TMEM254: variants seen among roughly 807,000 people sequenced by gnomAD.
The protein encoded by TMEM254 is transmembrane protein C10orf57.
TMEM254 carries 16 observed loss-of-function variants against 13.9 expected under a neutral mutation model. The observed-to-expected ratio is 1.15, with a 90% CI of 0.78 to 1.75. The LOEUF is 1.75. Among genes scored for constraint, TMEM254 ranks in the 40% most tolerant of loss-of-function variants. The pLI is 0.00. For synonymous variants in TMEM254, 61 were observed against 56.4 expected, an observed-to-expected ratio of 1.08 and a Z score of -0.36; for missense variants, 155 against 149.0, an observed-to-expected ratio of 1.04 and a Z score of -0.21.
Position 80,090,848 on chromosome 10 carries a change from T to C in TMEM254, c.303T>C (p.Thr101=), listed in dbSNP as rs1564575139. The C allele has an allele frequency of 6.2e-7, 1 of 1,614,172 alleles. No individual in the cohort carries two copies. The highest frequency in any genetic ancestry group is 1.1e-5 in the South Asian group (1 of 91,084). Residue 101 remains threonine (T), a synonymous_variant, in exon 4 of 4, where the codon ACT becomes ACC. Transcript: ENST00000372281. ...CTCAGCTACTCTGGTTCCTACAGACTTTCTTCTTTGGGATAGCGTCTCTCA... is the reference window on the plus strand; with the variant it reads ...CTCAGCTACTCTGGTTCCTACAGACCTTCTTCTTTGGGATAGCGTCTCTCA... ...GRAQLLWFLQ[T]FFFGIASLTI... is the part of the protein sequence containing the mutation.
intron 1 of TMEM254, 47 bp from the exon 2 acceptor site, chr10:80,081,794 G>C: frequency 6.2e-7 from 1 of 1,611,746 alleles, no homozygotes; most frequent in South Asian, 1.1e-5. Flanking sequence ...CAAAAAACAG[G>C]TTTTAAGTGA....
intron 3 of TMEM254, among the ~76,000 whole-genome samples, chr10:80,083,257 C>A (rs1252564813): frequency 6.6e-6 from 1 of 151,988 alleles, no homozygotes; most frequent in Non-Finnish European, 1.5e-5. Context: ...AAGCCCACCA[C>A]CATGCCTGGC....
rs148327670 is a variant in TMEM254, at chr10:80,081,079, AAAATAAAT to A, written c.88-745_88-738del. ...TAAGCGACAGAGTGAAACTCCATCT[AAAATAAAT>A]AAATAAATAAATAAATTAGTCAGTC... is the stretch of plus-strand genomic sequence containing the variant. On this transcript the variant is annotated intron_variant, in intron 1 of 3. Transcript: ENST00000372281. 4.0e-5 allele frequency among the ~76,000 whole-genome samples: 6 copies of A among 151,382 alleles called. No individual in the cohort carries two copies. The Admixed American group carries it at 4.0e-4, about 10-fold the overall frequency.
intron 3 of TMEM254, among the ~76,000 whole-genome samples, chr10:80,085,755 A>T (rs1844285470): frequency 6.6e-6 from 1 of 152,194 alleles, no homozygotes; most frequent in Non-Finnish European, 1.5e-5. Flanking sequence ...ATACTTTAAC[A>T]AGAAAAATAG....
intron 1 of TMEM254, among the ~76,000 whole-genome samples, chr10:80,080,773 T>TACACACACACAC (rs35188589): frequency 1.3e-5 from 2 of 150,126 alleles, no homozygotes; most frequent in African/African-American, 4.9e-5. Context: ...ACCTCATCTC[T>TACACACACACAC]ACACACACAC....
intron 1 of TMEM254, 46 bp from the exon 2 acceptor site, chr10:80,081,795 T>C: frequency 1.2e-6 from 2 of 1,611,626 alleles, no homozygotes; most frequent in Non-Finnish European, 1.7e-6. Context: ...AAAAAACAGG[T>C]TTTAAGTGAC....
At position 80,078,680 on chromosome 10, in the gene TMEM254, C is replaced by G; in HGVS notation, c.-20C>G. On this transcript the variant is annotated 5_prime_UTR_variant, in exon 1 of 4. Transcript: ENST00000372281. ...GCTCGACGGTGTCCTGAAGCGCGCT[C>G]CCGGGGAGGTGTTGCAGCCATGGCT... 6.3e-7 allele frequency: 1 copy of G among 1,583,230 alleles called. No individual in the cohort carries two copies. The highest frequency in any genetic ancestry group is 8.6e-7 in the Non-Finnish European group (1 of 1,167,756).
intron 3 of TMEM254, among the ~76,000 whole-genome samples, chr10:80,083,113 T>TTG (rs1402125385): frequency 6.7e-6 from 1 of 149,652 alleles, no homozygotes; most frequent in African/African-American, 2.5e-5. Flanking sequence ...GACTTTTTTT[T>TTG]TTTTTTTTTT....
At chr10:80,090,288 G>A (rs1312637002) in intron 3 of TMEM254, 1 of 691,874 alleles carries the variant, frequency 1.4e-6, no homozygotes, top group Non-Finnish European at 2.7e-6. Context: ...ATGACTGTGT[G>A]CCAGGCTCCT....
In TMEM254 at chr10:80,078,828, G is replaced by A. The variant is rs760369724; in HGVS notation, c.87+42G>A. ...GAGCGCTACGGTCTGACGAACGAGCGAGCGCTCGGTTCACCCCAGGACCTG... is the reference window on the plus strand; with the variant it reads ...GAGCGCTACGGTCTGACGAACGAGCAAGCGCTCGGTTCACCCCAGGACCTG... On this transcript the variant is annotated intron_variant, in intron 1 of 3. Transcript: ENST00000372281. 26 of 1,560,920 alleles carry A rather than the reference G, an allele frequency of 1.7e-5. No individual in the cohort carries two copies. The South Asian group carries it at 2.3e-4, about 14-fold the overall frequency.
At chr10:80,087,662 C>T (rs1300976567) in intron 3 of TMEM254, among the ~76,000 whole-genome samples, 7 of 152,020 alleles carry the variant, frequency 4.6e-5, no homozygotes, top group South Asian at 4.2e-4. Flanking sequence ...AAAAATAAAA[C>T]GAATGACTAC....
At chr10:80,089,365 G>C (rs1844464848) in intron 3 of TMEM254, among the ~76,000 whole-genome samples, 1 of 152,134 alleles carries the variant, frequency 6.6e-6, no homozygotes, top group African/African-American at 2.4e-5. Context: ...TTGCTGAGAA[G>C]TTTTATTAAA....
rs1256069795 is a variant in TMEM254 at position 80,078,824 on chromosome 10, G to A, written c.87+38G>A. On this transcript the variant is annotated intron_variant, in intron 1 of 3. Coordinates refer to ENST00000372281, the MANE Select transcript of TMEM254 (RefSeq NM_025125.4). ...GCTGGAGCGCTACGGTCTGACGAACGAGCGAGCGCTCGGTTCACCCCAGGA... is the reference window on the plus strand; with the variant it reads ...GCTGGAGCGCTACGGTCTGACGAACAAGCGAGCGCTCGGTTCACCCCAGGA... 1.9e-6 allele frequency: 3 copies of A among 1,565,070 alleles called. No individual in the cohort carries two copies. The Admixed American group carries it at 5.6e-5, about 29-fold the overall frequency.
At position 80,081,916 on chromosome 10, in the gene TMEM254, G is replaced by A. The variant is rs1844053711; in HGVS notation, c.163G>A (p.Asp55Asn). ...PLGPFTQYLV[D>N]HHHTLLCNGY... ...GGGCCCCTTCACTCAGTACTTGGTG[G>A]ACCACCATCACACCCTCCTGTGCAA... Residue 55 changes from aspartate to asparagine, a missense_variant, in exon 2 of 4, where the codon GAC becomes AAC. By Grantham distance (23) the Asp-to-Asn change is conservative (BLOSUM62 1). Coordinates refer to ENST00000372281, the MANE Select transcript of TMEM254 (RefSeq NM_025125.4). The A allele has an allele frequency of 6.2e-7, 1 of 1,614,146 alleles. No homozygotes were observed. Among genetic ancestry groups the A allele is most frequent in the East Asian group, 2.2e-5 (1 of 44,868 alleles).
intron 3 of TMEM254, among the ~76,000 whole-genome samples, chr10:80,084,162 A>T (rs1393541534): frequency 2.0e-5 from 3 of 152,136 alleles, no homozygotes; most frequent in Admixed American, 2.0e-4. Context: ...TGTATATTGC[A>T]TATCCAGTAT....
chr10:80,090,815 T>C lies in TMEM254; in HGVS notation c.270T>C (p.Ser90=). Residue 90 remains serine, a synonymous_variant, in exon 4 of 4, where the codon AGT becomes AGC. Coordinates refer to ENST00000372281, the MANE Select transcript of TMEM254 (RefSeq NM_025125.4). ...GTTTTAGGCATAAAGGCATCACAAG[T>C]GGTCGGGCTCAGCTACTCTGGTTCC... The part of the protein sequence containing the change: ...IVLCKHKGIT[S]GRAQLLWFLQ... 6.2e-7 allele frequency: 1 copy of C among 1,613,836 alleles called. No individual in the cohort carries two copies. The highest frequency in any genetic ancestry group is 8.5e-7 in the Non-Finnish European group (1 of 1,179,946).
At chr10:80,084,076 C>A (rs1391479587) in intron 3 of TMEM254, among the ~76,000 whole-genome samples, 1 of 151,998 alleles carries the variant, frequency 6.6e-6, no homozygotes, top group Non-Finnish European at 1.5e-5. Context: ...CAGAGCAAGA[C>A]CCTTTCTCAA....
chr10:80,080,846 G>A (rs1589379495), intron 1 of TMEM254, among the ~76,000 whole-genome samples: 1 of 152,070 alleles, frequency 6.6e-6, no homozygotes, highest in South Asian at 2.1e-4. Flanking sequence ...TTGAGAAGCC[G>A]AGAAGGGCGG....
chr10:80,079,205 G>GGGCGGGCCTC, intron 1 of TMEM254: 1 of 1,281,678 alleles, frequency 7.8e-7, no homozygotes, highest in Non-Finnish European at 1.0e-6. Flanking sequence ...GGGTGGGGCG[G>GGGCGGGCCTC]GGCGGGCCTC....
Sources: allele counts gnomAD v4.1 joint callset (sites outside exome capture counted in the v4.1 genomes callset), GRCh38; gene constraint gnomAD v4.1.1; transcripts MANE v1.5; gene names NCBI Gene and HGNC (gene_info 2026-07-23, HGNC 2026-07-21).